Variants in SIGLEC1 observed in about 807,000 individuals in gnomAD.
The protein encoded by SIGLEC1 is sialic acid binding Ig like lectin 1.
In SIGLEC1, 132 loss-of-function variants were observed where a neutral mutation model predicts 148.0. The ratio of observed to expected loss-of-function variants is 0.89; its 90% CI spans 0.77 to 1.03. SIGLEC1 has a LOEUF of 1.03. Among genes scored for constraint, SIGLEC1 ranks in the 50% least tolerant of loss-of-function variants. SIGLEC1 has a pLI of 0.00. For synonymous variants in SIGLEC1, 945 were observed against 969.0 expected (o/e 0.98, Z 0.46); for missense variants, 2,253 against 2,271.4 (o/e 0.99, Z 0.16).
chr20:3,688,534 C>T lies in SIGLEC1; in HGVS notation c.*26G>A. The T allele has an allele frequency of 6.4e-7, 1 of 1,572,162 alleles. No individual in the cohort carries two copies. The highest frequency in any genetic ancestry group is 1.3e-5 in the African/African-American group (1 of 74,270). On this transcript the variant is annotated 3_prime_UTR_variant, in exon 22 of 22. Coordinates refer to ENST00000344754, the MANE Select transcript of SIGLEC1 (RefSeq NM_023068.4). ...CATCACAGATTCTGGCCACTTTCTC[C>T]TCCGGAGGGCAGGCAACACCACTGG...
intron 13 of SIGLEC1, among the ~76,000 whole-genome samples, chr20:3,693,970 C>A (rs1320582375): frequency 6.6e-6 from 1 of 152,156 alleles, no homozygotes; most frequent in Non-Finnish European, 1.5e-5. Flanking sequence ...GACCACAGAC[C>A]TCCCCTCCCC....
chr20:3,692,017 G>A lies in SIGLEC1; in HGVS notation c.4216C>T (p.Arg1406Ter), dbSNP rs1372281471. ...TGCACCTGCAGCCGTAGGGCGTTTC[G>A]GGCCACCTGGACATGGCCTGTCCCT... ...ASGTGHVQVA[R>*]NALRLQVQDV... The change falls in exon 17 of 22, where the codon CGA becomes TGA. Residue 1406 changes from arginine to a stop codon, truncating the protein, a stop_gained. Coordinates refer to ENST00000344754, the MANE Select transcript of SIGLEC1 (RefSeq NM_023068.4). LOFTEE classifies it high-confidence loss of function. 19 of 1,613,244 alleles carry A rather than the reference G, an allele frequency of 1.2e-5. No individual in the cohort carries two copies. Among genetic ancestry groups the A allele is most frequent in the African/African-American group, 5.3e-5 (4 of 74,932 alleles).
chr20:3,711,095 G>A (rs1807994905), intron 1 of SIGLEC1, among the ~76,000 whole-genome samples: 1 of 152,214 alleles, frequency 6.6e-6, no homozygotes, highest in South Asian at 2.1e-4. Flanking sequence ...GGGGAATTGC[G>A]GGTCCCGGGA....
chr20:3,692,941 G>A lies in SIGLEC1; in HGVS notation c.3699C>T (p.Pro1233=), dbSNP rs1236777470. Residue 1233 remains proline (P), a synonymous_variant, in exon 15 of 22, where the codon CCC becomes CCT. Transcript: ENST00000344754. ...TLRLELRGPQ[P]RDEGFYSCSA... ...AGCAGCTGTAGAAACCCTCATCCCT[G>A]GGCTGTGGCCCTCGCAGCTCCAGGC... 6.2e-7 allele frequency: 1 copy of A among 1,612,664 alleles called. No individual in the cohort carries two copies. The highest frequency in any genetic ancestry group is 8.5e-7 in the Non-Finnish European group (1 of 1,179,934).
rs745783230 is a variant in SIGLEC1 at position 3,690,144 on chromosome 20, C to A, written c.4712G>T (p.Arg1571Leu). The change falls in exon 19 of 22, where the codon CGA (arginine) becomes CTA (leucine). Residue 1571 changes from arginine to leucine, a missense_variant. By Grantham distance (102) the Arg-to-Leu change is moderately radical. Coordinates refer to ENST00000344754, the MANE Select transcript of SIGLEC1 (RefSeq NM_023068.4). ...LASLTLHLGS[R>L]LVASSQPQGA... ...CTGGGGCTGACTGGAGGCCACCAGT[C>A]GACTGCCAAGGTGGAGAGTCAGGCT... is the stretch of plus-strand genomic sequence containing the variant. 1.2e-6 allele frequency: 2 copies of A among 1,602,996 alleles called. No individual in the cohort carries two copies. Among genetic ancestry groups the A allele is most frequent in the Non-Finnish European group, 1.7e-6 (2 of 1,175,602 alleles).
chr20:3,707,739 A>G (rs2087906473), intron 1 of SIGLEC1, among the ~76,000 whole-genome samples: 1 of 152,188 alleles, frequency 6.6e-6, no homozygotes, highest in African/African-American at 2.4e-5. Flanking sequence ...GTGAGATGTG[A>G]AAAGTCCTCA....
intron 11 of SIGLEC1, among the ~76,000 whole-genome samples, chr20:3,695,218 A>C (rs2088810821): frequency 6.6e-6 from 1 of 152,142 alleles, no homozygotes; most frequent in African/African-American, 2.4e-5. Context: ...GACTTGTGTG[A>C]CCTGTAACCC....
In SIGLEC1 at chr20:3,694,229, T is replaced by A. The variant is rs1232026196; in HGVS notation, c.3248A>T (p.Asp1083Val). Reference sequence around the variant, plus strand: ...CACACACACACACTGACCTTGAGCGTCGAAGTCAGCTGAGGCCGAGGCCTG... The same window carrying A: ...CACACACACACACTGACCTTGAGCGACGAAGTCAGCTGAGGCCGAGGCCTG... The part of the protein sequence containing the change: ...LGQASASADF[D>V]AQAVNVQVWP... The change falls in exon 13 of 22, where the codon GAC becomes GTC. Residue 1083 changes from aspartate (D) to valine (V), a missense_variant. Asp to Val is a radical substitution (Grantham distance 152, BLOSUM62 -3). Transcript: ENST00000344754. The A allele has an allele frequency of 1.2e-6, 2 of 1,603,380 alleles. No individual in the cohort carries two copies.
chr20:3,694,424 A>C lies in SIGLEC1; in HGVS notation c.3053T>G (p.Leu1018Arg), dbSNP rs773377486. The change falls in exon 13 of 22, where the codon CTC (leucine) becomes CGC (arginine). Residue 1018 changes from leucine (L) to arginine (R), a missense_variant. By Grantham distance (102) the Leu-to-Arg change is moderately radical. Transcript: ENST00000344754. ...DSDPPAQLRL[L>R]HGDRLVASTL... is the part of the protein sequence containing the mutation. Reference sequence around the variant, plus strand: ...GGAGGCCACAAGGCGATCCCCGTGGAGCAGCCGCAGCTGGGCCGGAGGGTC... The same window carrying C: ...GGAGGCCACAAGGCGATCCCCGTGGCGCAGCCGCAGCTGGGCCGGAGGGTC... 1 of 1,611,702 alleles carries C rather than the reference A, an allele frequency of 6.2e-7. No homozygotes were observed. The highest frequency in any genetic ancestry group is 1.3e-5 in the African/African-American group (1 of 74,868).
At chr20:3,696,131 C>T (rs200696287) in intron 11 of SIGLEC1, among the ~76,000 whole-genome samples, 3,238 of 56,440 alleles carry the variant, frequency 0.057, 83 homozygotes, top group African/African-American at 0.16. Flanking sequence ...TATATATATA[C>T]ACACACACAA....
rs144703696 is a variant in SIGLEC1, at chr20:3,706,030, C to T, written c.420G>A (p.Arg140=). 5.6e-6 allele frequency: 9 copies of T among 1,612,640 alleles called. No homozygotes were observed. Among genetic ancestry groups the T allele is most frequent in the Non-Finnish European group, 7.6e-6 (9 of 1,179,610 alleles). The part of the protein sequence containing the change: ...GTLVTVTEEP[R]VPTIASPVEL... The stretch of plus-strand genomic sequence containing the variant: ...CCACCGGGGAGGCAATGGTGGGCAC[C>T]CTGGGCTCCTCTGAGGACAGAGACA... Residue 140 remains arginine (R), a synonymous_variant, in exon 4 of 22, where the codon AGG becomes AGA. Transcript: ENST00000344754.
chr20:3,688,954 G>T (rs572511667), intron 21 of SIGLEC1: 1 of 615,864 alleles, frequency 1.6e-6, no homozygotes, highest in Non-Finnish European at 2.9e-6. Context: ...TAAGCCAGCC[G>T]CCAGCTGACA....
Position 3,705,898 on chromosome 20 carries a change from G to A in SIGLEC1, c.552C>T (p.Val184=), listed in dbSNP as rs911225112. The stretch of plus-strand genomic sequence containing the variant: ...GCTCAAACTTCTGGCTGTTGAAGGT[G>A]ACAGAGCGAGCAGGGTCCTGGCCTT... ...QWQGQDPARS[V]TFNSQKFEPT... The change falls in exon 4 of 22, where the codon GTC becomes GTT. Residue 184 remains valine, a synonymous_variant. Coordinates refer to ENST00000344754, the MANE Select transcript of SIGLEC1 (RefSeq NM_023068.4). The A allele has an allele frequency of 6.2e-7, 1 of 1,614,198 alleles. No homozygotes were observed. The highest frequency in any genetic ancestry group is 8.5e-7 in the Non-Finnish European group (1 of 1,180,050).
chr20:3,701,232 A>C (rs984929457), intron 7 of SIGLEC1, 110 bp downstream of exon 7: 2 of 1,020,150 alleles, frequency 2.0e-6, no homozygotes, highest in African/African-American at 3.3e-5. Context: ...TGGCGTAGCC[A>C]GTTAGCTCAG....
At chr20:3,692,444 C>A (rs1208551715) in intron 16 of SIGLEC1, 77 bp downstream of exon 16, 13 of 1,464,064 alleles carry the variant, frequency 8.9e-6, no homozygotes, top group Non-Finnish European at 1.2e-5. Context: ...CAGTCCTTTG[C>A]CCACTCCCAC....
intron 20 of SIGLEC1, 115 bp downstream of exon 20, chr20:3,689,485 G>T: frequency 1.4e-6 from 1 of 717,770 alleles, no homozygotes; most frequent in Non-Finnish European, 2.3e-6. Context: ...AGTCTGGGAA[G>T]TAGGCAGCCT....
At position 3,689,140 on chromosome 20, in the gene SIGLEC1, G is replaced by T. The variant is rs758303566; in HGVS notation, c.5070+15C>A. On this transcript the variant is annotated intron_variant, in intron 21 of 21. Transcript: ENST00000344754. ...AGCTGGGTATTATATCTGCCCGTGTGTGTTGAATGGATACCTGCGTGGTCT... is the reference window on the plus strand; with the variant it reads ...AGCTGGGTATTATATCTGCCCGTGTTTGTTGAATGGATACCTGCGTGGTCT... The T allele has an allele frequency of 6.2e-7, 1 of 1,608,306 alleles. No individual in the cohort carries two copies. The highest frequency in any genetic ancestry group is 8.5e-7 in the Non-Finnish European group (1 of 1,174,628).
intron 14 of SIGLEC1, 61 bp downstream of exon 14, chr20:3,693,386 C>G (rs79969746): frequency 7.3e-6 from 11 of 1,508,924 alleles, no homozygotes; most frequent in Admixed American, 4.1e-5. Context: ...CCGGCCATGC[C>G]GTGATCCCTG....
chr20:3,692,712 G>T lies in SIGLEC1; in HGVS notation c.3839C>A (p.Thr1280Asn). 1 of 1,612,750 alleles carries T rather than the reference G, an allele frequency of 6.2e-7. No homozygotes were observed. The highest frequency in any genetic ancestry group is 2.2e-5 in the East Asian group (1 of 44,882). Residue 1280 changes from threonine (T) to asparagine (N), a missense_variant, in exon 16 of 22, where the codon ACC becomes AAC. Physicochemically the swap from Thr to Asn is moderately conservative, Grantham distance 65. Transcript: ENST00000344754. ...AVPEGAPITV[T>N]CADPAAHAPT... ...TGCGTGGGCAGCAGGGTCCGCACAG[G>T]TCACTGTGATGGGGGCACCTTCAGG...
Sources: allele counts gnomAD v4.1 joint callset (sites outside exome capture counted in the v4.1 genomes callset), GRCh38; gene constraint gnomAD v4.1.1; transcripts MANE v1.5; gene names NCBI Gene and HGNC (gene_info 2026-07-23, HGNC 2026-07-21).